Variants in KLF12 observed in about 807,000 individuals in gnomAD.
KLF12 encodes Krueppel-like factor 12.
Under a neutral mutation model 37.8 loss-of-function variants are expected in KLF12, and 9 were observed. The observed-to-expected ratio is 0.24, with a 90% CI of 0.14 to 0.42. The LOEUF (loss-of-function observed/expected upper bound fraction) is 0.42. Among genes scored for constraint, KLF12 ranks in the 10% least tolerant of loss-of-function variants. The pLI is 1.00. For missense variants in KLF12, 411 were observed against 516.0 expected, an observed-to-expected ratio of 0.80 and a Z score of 1.97; for synonymous variants, 208 against 202.1, an observed-to-expected ratio of 1.03 and a Z score of -0.25.
chr13:73,829,211 A>G (rs1884016110), intron 4 of KLF12, among the ~76,000 whole-genome samples: 1 of 152,246 alleles, frequency 6.6e-6, no homozygotes, highest in South Asian at 2.1e-4. Flanking sequence ...AAGTGAATAG[A>G]AAGAAATACA....
chr13:73,957,715 T>C (rs556790733), intron 2 of KLF12, among the ~76,000 whole-genome samples: 1 of 152,368 alleles, frequency 6.6e-6, no homozygotes, highest in South Asian at 2.1e-4. Flanking sequence ...CCTGTTTATA[T>C]TTTATTAATT....
chr13:73,865,679 A>G (rs1160528085), intron 3 of KLF12, among the ~76,000 whole-genome samples: 1 of 152,232 alleles, frequency 6.6e-6, no homozygotes, highest in Non-Finnish European at 1.5e-5. Context: ...GATAAGAAAA[A>G]TAAGAACAAA....
At chr13:73,708,074 G>A (rs1875084287) in intron 7 of KLF12, among the ~76,000 whole-genome samples, 1 of 152,110 alleles carries the variant, frequency 6.6e-6, no homozygotes, top group Non-Finnish European at 1.5e-5. Context: ...ATAATGTGTG[G>A]TTTCATAAAG....
At chr13:74,134,658 G>A (rs1490461544), upstream of KLF12, among the ~76,000 whole-genome samples, 1 of 151,780 alleles carries the variant, frequency 6.6e-6, no homozygotes, top group Non-Finnish European at 1.5e-5. Flanking sequence ...TCGGGGAGTC[G>A]TCGGCCGAGG....
the KLF12 span, among the ~76,000 whole-genome samples, chr13:74,159,136 T>C: frequency 6.6e-6 from 1 of 152,186 alleles, no homozygotes; most frequent in Non-Finnish European, 1.5e-5. Flanking sequence ...GACTTTTGCA[T>C]GTCCCACTAG....
chr13:74,149,197 C>G, the KLF12 span, among the ~76,000 whole-genome samples: 6 of 152,180 alleles, frequency 3.9e-5, no homozygotes, highest in Non-Finnish European at 4.4e-5. Context: ...CATCTATATG[C>G]TGACAACTCT....
chr13:74,138,844 T>C (rs983341159), upstream of KLF12, among the ~76,000 whole-genome samples: 1 of 152,146 alleles, frequency 6.6e-6, no homozygotes, highest in Non-Finnish European at 1.5e-5. Flanking sequence ...CTGTGACACA[T>C]AAAGGCCCCA....
intron 5 of KLF12, among the ~76,000 whole-genome samples, chr13:73,777,299 G>T (rs963424380): frequency 2.6e-5 from 4 of 152,144 alleles, no homozygotes; most frequent in African/African-American, 9.7e-5. Flanking sequence ...TGCTAAGGGG[G>T]TACATCCCAG....
chr13:73,753,531 G>A (rs990862634), intron 6 of KLF12, among the ~76,000 whole-genome samples: 4 of 152,078 alleles, frequency 2.6e-5, no homozygotes, highest in African/African-American at 4.8e-5. Flanking sequence ...AGTGGGGGCC[G>A]CATTTGTCTT....
At chr13:74,265,911 A>G in the KLF12 span, among the ~76,000 whole-genome samples, 4 of 152,232 alleles carry the variant, frequency 2.6e-5, no homozygotes, top group Non-Finnish European at 4.4e-5. Context: ...GCTACCATCA[A>G]TGACTGAAAT....
chr13:73,808,769 T>C (rs1453879445), intron 5 of KLF12, among the ~76,000 whole-genome samples: 1 of 152,180 alleles, frequency 6.6e-6, no homozygotes, highest in Non-Finnish European at 1.5e-5. Flanking sequence ...TGAACAGTTA[T>C]TGCATGAGGC....
At chr13:73,859,327 C>T (rs1391721176) in intron 3 of KLF12, among the ~76,000 whole-genome samples, 3 of 152,160 alleles carry the variant, frequency 2.0e-5, no homozygotes, top group South Asian at 2.1e-4. Context: ...TTCGGTCTCA[C>T]GGAGGTTGAA....
intron 2 of KLF12, among the ~76,000 whole-genome samples, chr13:73,970,687 C>T (rs1395216307): frequency 1.3e-5 from 2 of 152,220 alleles, no homozygotes; most frequent in Non-Finnish European, 2.9e-5. Flanking sequence ...AGGTACCAGA[C>T]TGTCGGACAA....
chr13:74,095,925 A>T (rs1052181502), intron 1 of KLF12, among the ~76,000 whole-genome samples: 2 of 152,204 alleles, frequency 1.3e-5, no homozygotes, highest in African/African-American at 2.4e-5. Flanking sequence ...ACAGTTCCAC[A>T]TAGAAACACA....
intron 5 of KLF12, among the ~76,000 whole-genome samples, chr13:73,810,865 C>T (rs1346869146): frequency 6.6e-6 from 1 of 151,420 alleles, no homozygotes; most frequent in African/African-American, 2.4e-5. Context: ...AGGAAGATCT[C>T]AGCAATCTCT....
At chr13:73,833,713 T>C (rs1182013636) in intron 4 of KLF12, among the ~76,000 whole-genome samples, 1 of 152,100 alleles carries the variant, frequency 6.6e-6, no homozygotes, top group Non-Finnish European at 1.5e-5. Context: ...TCTACATGGA[T>C]AAAGGTAGAA....
At chr13:73,762,916 A>G (rs1409070944) in intron 6 of KLF12, among the ~76,000 whole-genome samples, 1 of 152,208 alleles carries the variant, frequency 6.6e-6, no homozygotes, top group Non-Finnish European at 1.5e-5. Flanking sequence ...AAGGTAGTAT[A>G]TATCATAGAA....
chr13:73,769,972 G>A (rs950856734), intron 5 of KLF12, among the ~76,000 whole-genome samples: 2 of 151,934 alleles, frequency 1.3e-5, no homozygotes, highest in African/African-American at 2.4e-5. Context: ...GTACAAATAC[G>A]TTCTTTTTCT....
At chr13:73,864,523 T>C (rs910006489) in intron 3 of KLF12, among the ~76,000 whole-genome samples, 5 of 152,042 alleles carry the variant, frequency 3.3e-5, no homozygotes, top group East Asian at 1.9e-4. Context: ...CAGTATGAGG[T>C]AGAAAAAAAT....
Sources: gnomAD v4.1 joint callset for allele counts (sites outside exome capture counted in the v4.1 genomes callset) on GRCh38, gnomAD v4.1.1 for gene constraint, MANE v1.5 for transcripts, NCBI Gene and HGNC (gene_info 2026-07-23, HGNC 2026-07-21) for gene names.